ACAA2: variants seen among roughly 807,000 people sequenced by gnomAD.
ACAA2 encodes the protein 3-ketoacyl-CoA thiolase, mitochondrial.
A neutral mutation model predicts 44.8 loss-of-function variants in ACAA2; 35 were observed. The observed-to-expected ratio is 0.78, with a 90% CI of 0.60 to 1.04. The LOEUF is 1.04. ACAA2 is among the 50% of genes least tolerant of loss of function. The probability of loss-of-function intolerance (pLI) is 0.00; values close to 1 mark genes in which losing one functional copy is unlikely to be tolerated. For missense variants in ACAA2, 468 were observed against 482.6 expected, an observed-to-expected ratio of 0.97 and a Z score of 0.28; for synonymous variants, 142 against 166.5, an observed-to-expected ratio of 0.85 and a Z score of 1.13.
intron 3 of ACAA2, among the ~76,000 whole-genome samples, chr18:49,796,275 C>G (rs1347183245): frequency 6.6e-6 from 1 of 152,072 alleles, no homozygotes; most frequent in Non-Finnish European, 1.5e-5. Flanking sequence ...TGTATCTGAA[C>G]AAGAACAGAG....
rs1445399624 is a variant in ACAA2 at position 49,794,352 on chromosome 18, C to A, written c.505G>T (p.Ala169Ser). The change falls in exon 5 of 10, where the codon GCT becomes TCT. Residue 169 changes from alanine (A) to serine (S), a missense_variant. Physicochemically the swap from Ala to Ser is moderately conservative, Grantham distance 99 (BLOSUM62 1). Transcript: ENST00000285093. Reference sequence around the variant, plus strand: ...TCTCTGCTTATTTTGTGTTTTACAGCAAGATTCTCTGCAGTCATTGCCATG... The same window carrying A: ...TCTCTGCTTATTTTGTGTTTTACAGAAAGATTCTCTGCAGTCATTGCCATG... ...LPMAMTAENL[A>S]VKHKISREEC... 1 of 1,611,220 alleles carries A rather than the reference C, an allele frequency of 6.2e-7. No homozygotes were observed. The highest frequency in any genetic ancestry group is 1.3e-5 in the African/African-American group (1 of 74,952).
Position 49,797,483 on chromosome 18 carries a change from T to C in ACAA2, c.295A>G (p.Ile99Val). The part of the protein sequence containing the change: ...NRLCGSGFQS[I>V]VNGCQEICVK... ...GTCCATACCTGACATCCATTCACAA[T>C]GGACTGAAAACCAGAACCACAGAGC... The change falls in exon 3 of 10, where the codon ATT becomes GTT. Residue 99 changes from isoleucine (I) to valine (V), a missense_variant. Ile to Val is a conservative substitution (Grantham distance 29). Coordinates refer to ENST00000285093, the MANE Select transcript of ACAA2 (RefSeq NM_006111.3). 6.2e-7 allele frequency: 1 copy of C among 1,610,422 alleles called. No individual in the cohort carries two copies. The highest frequency in any genetic ancestry group is 8.5e-7 in the Non-Finnish European group (1 of 1,179,382).
At chr18:49,784,590 C>G (rs2023305266) in intron 9 of ACAA2, among the ~76,000 whole-genome samples, 1 of 152,314 alleles carries the variant, frequency 6.6e-6, no homozygotes, top group East Asian at 1.9e-4. Context: ...CCTGGCCTAA[C>G]AGGGAGTCAG....
chr18:49,792,605 C>T (rs1375009379), intron 5 of ACAA2, among the ~76,000 whole-genome samples: 2 of 152,040 alleles, frequency 1.3e-5, no homozygotes, highest in Non-Finnish European at 2.9e-5. Context: ...CCACCATGCC[C>T]GGCTAATTTT....
intron 4 of ACAA2, 88 bp downstream of exon 4, chr18:49,795,677 G>A (rs1042605141): frequency 6.8e-6 from 5 of 736,062 alleles, no homozygotes; most frequent in Non-Finnish European, 1.1e-5. Context: ...TTCAAAATTA[G>A]TTTTCTCTCC....
At chr18:49,798,482 A>C (rs1249053148) in intron 2 of ACAA2, among the ~76,000 whole-genome samples, 1 of 152,034 alleles carries the variant, frequency 6.6e-6, no homozygotes, top group Non-Finnish European at 1.5e-5. Flanking sequence ...GACTTAAAAA[A>C]AAAAAACCAA....
chr18:49,796,000 G>GC, intron 3 of ACAA2, 119 bp from the exon 4 acceptor site: 1 of 627,326 alleles, frequency 1.6e-6, no homozygotes, highest in African/African-American at 1.9e-5. Flanking sequence ...GTAGCTTACA[G>GC]TGTCTCAAAA....
chr18:49,791,435 T>C lies in ACAA2; in HGVS notation c.883+35A>G. On this transcript the variant is annotated intron_variant, in intron 7 of 9. Transcript: ENST00000285093. ...GCCAAAGAAGACTTACCTCCAGAAA[T>C]ATTATAGAACCAGTTTGTTTTACTA... 3 of 1,587,966 alleles carry C rather than the reference T, an allele frequency of 1.9e-6. No individual in the cohort carries two copies. In the South Asian group the frequency reaches 3.4e-5, roughly 18 times the overall value.
intron 5 of ACAA2, among the ~76,000 whole-genome samples, chr18:49,793,335 A>G (rs2023427854): frequency 1.3e-5 from 2 of 152,224 alleles, no homozygotes; most frequent in South Asian, 4.1e-4. Flanking sequence ...TACTTTCCTT[A>G]TATGCCCTTA....
At chr18:49,801,941 T>C (rs1254872613) in intron 2 of ACAA2, among the ~76,000 whole-genome samples, 1 of 151,982 alleles carries the variant, frequency 6.6e-6, no homozygotes, top group Non-Finnish European at 1.5e-5. Flanking sequence ...AATTTTCAAT[T>C]ACCTGCATAT....
At position 49,802,867 on chromosome 18, in the gene ACAA2, A is replaced by G; in HGVS notation, c.17-14T>C. Reference sequence around the variant, plus strand: ...CTACAAACACACCTATTGCAACAAGAAGAGATTTGTAAGCCATCACAGGTT... The same window carrying G: ...CTACAAACACACCTATTGCAACAAGGAGAGATTTGTAAGCCATCACAGGTT... On this transcript the variant is annotated splice_polypyrimidine_tract_variant and intron_variant, in intron 1 of 9. Transcript: ENST00000285093. 6.2e-7 allele frequency: 1 copy of G among 1,613,946 alleles called. No individual in the cohort carries two copies. The highest frequency in any genetic ancestry group is 8.5e-7 in the Non-Finnish European group (1 of 1,179,886).
At chr18:49,801,520 A>G (rs1288898257) in intron 2 of ACAA2, among the ~76,000 whole-genome samples, 2 of 152,122 alleles carry the variant, frequency 1.3e-5, no homozygotes, top group Non-Finnish European at 2.9e-5. Context: ...AACAAAAGAC[A>G]ATATTGAGAA....
intron 5 of ACAA2, among the ~76,000 whole-genome samples, chr18:49,793,802 C>G (rs190382115): frequency 7.6e-4 from 116 of 152,276 alleles, no homozygotes; most frequent in Non-Finnish European, 1.2e-3. Context: ...AGTTCTAAGT[C>G]TCTGAGTTAG....
chr18:49,799,559 T>G (rs931144803), intron 2 of ACAA2, among the ~76,000 whole-genome samples: 2 of 152,100 alleles, frequency 1.3e-5, no homozygotes, highest in Non-Finnish European at 2.9e-5. Context: ...TGATCTCTGC[T>G]CGCTACAACC....
At chr18:49,801,785 C>CATATATATATAT (rs55864039) in intron 2 of ACAA2, among the ~76,000 whole-genome samples, 3,362 of 111,844 alleles carry the variant, frequency 0.03, 108 homozygotes, top group East Asian at 0.042. Context: ...AGAAACTGAT[C>CATATATATATAT]ATATATATAT....
intron 7 of ACAA2, among the ~76,000 whole-genome samples, chr18:49,788,388 C>T (rs1300577890): frequency 3.9e-5 from 6 of 152,106 alleles, no homozygotes; most frequent in Admixed American, 3.3e-4. Context: ...ATAATGAAAC[C>T]TAAATATAAT....
At chr18:49,802,610 T>G in intron 2 of ACAA2, 77 bp downstream of exon 2, 2 of 1,364,208 alleles carry the variant, frequency 1.5e-6, no homozygotes, top group Non-Finnish European at 2.0e-6. Flanking sequence ...TTTACCATTA[T>G]GATATGTTAA....
intron 1 of ACAA2, among the ~76,000 whole-genome samples, chr18:49,809,330 G>A (rs767136226): frequency 5.3e-5 from 8 of 152,150 alleles, no homozygotes; most frequent in African/African-American, 9.7e-5. Flanking sequence ...CTCAGCTTAC[G>A]AAGATAACGG....
rs139870287 is a variant in ACAA2 at position 49,795,307 on chromosome 18, A to G, written c.429+458T>C. Reference sequence around the variant, plus strand: ...CAGTTTTTGTTTGATTTGGGACAATATAATCTGTATTCAAAGATGTTTTCT... The same window carrying G: ...CAGTTTTTGTTTGATTTGGGACAATGTAATCTGTATTCAAAGATGTTTTCT... On this transcript the variant is annotated intron_variant, in intron 4 of 9. Transcript: ENST00000285093. 3.9e-3 allele frequency among the ~76,000 whole-genome samples: 595 copies of G among 152,350 alleles called. 2 individuals carry two copies. The highest frequency in any genetic ancestry group is 5.9e-3 in the Non-Finnish European group (403 of 68,026).
Sources: gnomAD v4.1 joint callset for allele counts (sites outside exome capture counted in the v4.1 genomes callset) on GRCh38, gnomAD v4.1.1 for gene constraint, MANE v1.5 for transcripts, NCBI Gene and HGNC (gene_info 2026-07-23, HGNC 2026-07-21) for gene names.